The following SLC26A7 variants were observed in gnomAD, a reference collection of about 807,000 sequenced individuals.
SLC26A7 encodes the protein anion exchange transporter.
A neutral mutation model predicts 82.5 loss-of-function variants in SLC26A7; 59 were observed. The observed-to-expected ratio is 0.72, with a 90% CI of 0.58 to 0.89. SLC26A7 has a LOEUF of 0.89. SLC26A7 is among the 40% of genes least tolerant of loss of function. SLC26A7 has a pLI of 0.00. For synonymous variants in SLC26A7, 271 were observed against 274.3 expected, an observed-to-expected ratio of 0.99 and a Z score of 0.12; for missense variants, 820 against 793.0, an observed-to-expected ratio of 1.03 and a Z score of -0.41.
intron 2 of SLC26A7, among the ~76,000 whole-genome samples, chr8:91,273,827 C>T (rs1404865198): frequency 6.6e-6 from 1 of 152,158 alleles, no homozygotes; most frequent in Non-Finnish European, 1.5e-5. Context: ...ATTTTGGTTA[C>T]ATTAATTATC....
At chr8:91,301,839 C>G (rs1294184373) in intron 4 of SLC26A7, among the ~76,000 whole-genome samples, 2 of 151,444 alleles carry the variant, frequency 1.3e-5, no homozygotes, top group Non-Finnish European at 2.9e-5. Context: ...GCACATAGTG[C>G]TATGAATTTT....
chr8:91,307,462 T>C (rs1460118683), intron 4 of SLC26A7, among the ~76,000 whole-genome samples: 1 of 144,206 alleles, frequency 6.9e-6, no homozygotes, highest in East Asian at 2.0e-4. Flanking sequence ...TGGAATACTA[T>C]GCAGCCATAA....
chr8:91,352,962 TA>T lies in SLC26A7; in HGVS notation c.1287del (p.Lys429AsnfsTer37). The T allele has an allele frequency of 1.9e-6, 3 of 1,608,964 alleles. No individual in the cohort carries two copies. Among genetic ancestry groups the T allele is most frequent in the South Asian group, 1.1e-5 (1 of 90,376 alleles). ...GGAATGCTAATACAGTTCCGAGATTTAAAAAAATATTGGAATGTGGATAAAA... is the reference window on the plus strand; with the variant it reads ...GGAATGCTAATACAGTTCCGAGATTTAAAAAATATTGGAATGTGGATAAAA... ...LKGMLIQFRD[L>X]KKYWNVDKID... On this transcript the variant is annotated frameshift_variant, in exon 11 of 19. Coordinates refer to ENST00000276609, the MANE Select transcript of SLC26A7 (RefSeq NM_052832.4). LOFTEE classifies it high-confidence loss of function.
intron 5 of SLC26A7, among the ~76,000 whole-genome samples, chr8:91,324,974 G>C (rs922576454): frequency 3.9e-5 from 6 of 152,170 alleles, no homozygotes; most frequent in African/African-American, 9.7e-5. Flanking sequence ...GACAGAATGG[G>C]TTTGCTTCTA....
At chr8:91,238,621 A>G (rs373854335) in intron 2 of SLC26A7, among the ~76,000 whole-genome samples, 1 of 151,428 alleles carries the variant, frequency 6.6e-6, no homozygotes, top group Non-Finnish European at 1.5e-5. Context: ...TATCAAGAAT[A>G]CATTCAAAAA....
chr8:91,351,776 T>A (rs1250843070), intron 9 of SLC26A7, 34 bp from the exon 10 acceptor site: 1 of 1,485,866 alleles, frequency 6.7e-7, no homozygotes, highest in South Asian at 1.1e-5. Flanking sequence ...TTCAAGGCTT[T>A]CTTTTTCCTT....
In SLC26A7 at chr8:91,364,786, G is replaced by A. The variant is rs1443743216; in HGVS notation, c.1488+1248G>A. On this transcript the variant is annotated intron_variant, in intron 13 of 18. Coordinates refer to ENST00000276609, the MANE Select transcript of SLC26A7 (RefSeq NM_052832.4). ...AAGTGAATGAGGGGATTTGTAGGAA[G>A]ATGAAAATGCTAGAAATTTCTCCAC... Among the ~76,000 whole-genome samples the A allele has an allele frequency of 5.3e-5, 8 of 152,332 alleles. No homozygotes were observed. The East Asian group carries it at 1.5e-3, about 29-fold the overall frequency.
At chr8:91,265,958 A>G (rs145060386) in intron 2 of SLC26A7, among the ~76,000 whole-genome samples, 61 of 151,964 alleles carry the variant, frequency 4.0e-4, no homozygotes, top group African/African-American at 1.3e-3. Flanking sequence ...CCATTAATCT[A>G]TTTTTGCTTT....
At chr8:91,283,751 G>T (rs555177424) in intron 2 of SLC26A7, among the ~76,000 whole-genome samples, 1 of 151,992 alleles carries the variant, frequency 6.6e-6, no homozygotes, top group African/African-American at 2.4e-5. Context: ...CAACTCTCAG[G>T]TATTTAGAAG....
intron 2 of SLC26A7, among the ~76,000 whole-genome samples, chr8:91,277,110 G>C (rs1216073901): frequency 6.6e-6 from 1 of 152,096 alleles, no homozygotes; most frequent in African/African-American, 2.4e-5. Context: ...TGAACTTCCA[G>C]TGATTTCTTC....
chr8:91,365,008 A>C (rs771398536), intron 13 of SLC26A7, among the ~76,000 whole-genome samples: 5 of 151,822 alleles, frequency 3.3e-5, no homozygotes, highest in Non-Finnish European at 7.4e-5. Context: ...AAATTAAAAT[A>C]ATCTGTCATT....
At chr8:91,342,051 C>T (rs1008980900) in intron 8 of SLC26A7, among the ~76,000 whole-genome samples, 2 of 152,086 alleles carry the variant, frequency 1.3e-5, no homozygotes, top group Admixed American at 6.6e-5. Context: ...CCTTAGCCTC[C>T]CCAGTAGCTG....
At chr8:91,392,305 T>C (rs1808427482) in intron 16 of SLC26A7, among the ~76,000 whole-genome samples, 1 of 152,172 alleles carries the variant, frequency 6.6e-6, no homozygotes, top group African/African-American at 2.4e-5. Flanking sequence ...AGACTAAGCC[T>C]GGTTCCAAAT....
chr8:91,290,591 A>G (rs2130768260), intron 3 of SLC26A7, among the ~76,000 whole-genome samples: 1 of 152,278 alleles, frequency 6.6e-6, no homozygotes, highest in East Asian at 1.9e-4. Context: ...TGTTTAAAGG[A>G]CACTTGTGAT....
intron 2 of SLC26A7, among the ~76,000 whole-genome samples, chr8:91,287,789 C>T (rs1032016792): frequency 1.3e-5 from 2 of 152,160 alleles, no homozygotes; most frequent in Non-Finnish European, 2.9e-5. Flanking sequence ...CCAAAAGGTG[C>T]TTCTTGGTAG....
At chr8:91,329,658 C>G (rs193244601) in intron 5 of SLC26A7, among the ~76,000 whole-genome samples, 1 of 152,252 alleles carries the variant, frequency 6.6e-6, no homozygotes, top group East Asian at 1.9e-4. Flanking sequence ...TCATGGCATA[C>G]TTTTAATACC....
intron 5 of SLC26A7, among the ~76,000 whole-genome samples, chr8:91,321,393 C>G (rs970908258): frequency 2.0e-5 from 3 of 152,208 alleles, no homozygotes; most frequent in Non-Finnish European, 4.4e-5. Context: ...CGCCCCGACT[C>G]CAGCGAAGCT....
intron 15 of SLC26A7, among the ~76,000 whole-genome samples, chr8:91,378,013 G>A (rs1814564967): frequency 6.6e-6 from 1 of 151,858 alleles, no homozygotes; most frequent in African/African-American, 2.4e-5. Flanking sequence ...AGCAAGAATG[G>A]CATGGTTACT....
At chr8:91,377,870 G>A (rs1395234107) in intron 15 of SLC26A7, among the ~76,000 whole-genome samples, 1 of 151,934 alleles carries the variant, frequency 6.6e-6, no homozygotes, top group Non-Finnish European at 1.5e-5. Flanking sequence ...ACAGGTACTG[G>A]CTCTCTTCCC....
Sources: allele counts gnomAD v4.1 joint callset (sites outside exome capture counted in the v4.1 genomes callset), GRCh38; gene constraint gnomAD v4.1.1; transcripts MANE v1.5; gene names NCBI Gene and HGNC (gene_info 2026-07-23, HGNC 2026-07-21).